Variants in HAUS2 observed in about 807,000 individuals in gnomAD.
HAUS2 encodes HAUS augmin like complex subunit 2.
Under a neutral mutation model 21.6 loss-of-function variants are expected in HAUS2, and 20 were observed. That is an observed-to-expected ratio of 0.93 (90% CI 0.65 to 1.35). The LOEUF (loss-of-function observed/expected upper bound fraction) is 1.35, where lower values mean the gene tolerates loss of function less well. Among genes scored for constraint, HAUS2 ranks in the 40% most tolerant of loss-of-function variants. The pLI, the probability that HAUS2 is intolerant of heterozygous loss-of-function variation, is 0.00. For missense variants in HAUS2, 297 were observed against 280.7 expected (o/e 1.06, Z -0.42); for synonymous variants, 113 against 95.6 (o/e 1.18, Z -1.06).
At chr15:42,554,980 A>G (rs1357755597) in intron 1 of HAUS2, among the ~76,000 whole-genome samples, 1 of 147,522 alleles carries the variant, frequency 6.8e-6, no homozygotes, top group Non-Finnish European at 1.5e-5. Context: ...GGCACATGTC[A>G]CCATGCCTGG....
chr15:42,552,524 A>G (rs893143958), intron 1 of HAUS2, among the ~76,000 whole-genome samples: 83 of 152,196 alleles, frequency 5.5e-4, no homozygotes, highest in African/African-American at 1.9e-3. Flanking sequence ...CTTCTAGAAA[A>G]CATAGCTTGT....
At chr15:42,562,775 A>T (rs1191458293) in intron 4 of HAUS2, among the ~76,000 whole-genome samples, 2 of 152,200 alleles carry the variant, frequency 1.3e-5, no homozygotes, top group African/African-American at 4.8e-5. Context: ...AAGTACATTT[A>T]TCCTTATTGT....
At chr15:42,558,024 G>C (rs547456400) in intron 1 of HAUS2, among the ~76,000 whole-genome samples, 174 bp from the exon 2 acceptor site, 1 of 151,978 alleles carries the variant, frequency 6.6e-6, no homozygotes, top group Non-Finnish European at 1.5e-5. Context: ...ATTTGTGATG[G>C]TGAAGGTTCT....
chr15:42,561,966 C>G (rs1311008533), intron 4 of HAUS2, among the ~76,000 whole-genome samples: 1 of 151,858 alleles, frequency 6.6e-6, no homozygotes, highest in African/African-American at 2.4e-5. Context: ...TAGATTATGA[C>G]TAATGATAAA....
At chr15:42,560,803 C>T (rs1209116542) in intron 3 of HAUS2, 1 of 701,902 alleles carries the variant, frequency 1.4e-6, no homozygotes, top group Non-Finnish European at 2.6e-6. Context: ...TGCTATGTTG[C>T]CCAGGCTGGT....
chr15:42,562,844 C>T (rs1028350454), intron 4 of HAUS2, among the ~76,000 whole-genome samples: 5 of 152,162 alleles, frequency 3.3e-5, no homozygotes, highest in Admixed American at 6.5e-5. Context: ...CGTCATGGCT[C>T]ACGCCTGTAA....
chr15:42,556,122 ATTTT>A (rs760982814), intron 1 of HAUS2, among the ~76,000 whole-genome samples: 2 of 133,552 alleles, frequency 1.5e-5, no homozygotes. Context: ...CGCCTGGCTA[ATTTT>A]TTTTTTTTTT....
chr15:42,564,268 T>TAAA (rs750975585), intron 5 of HAUS2, among the ~76,000 whole-genome samples: 1 of 130,490 alleles, frequency 7.7e-6, no homozygotes, highest in African/African-American at 2.8e-5. Context: ...CATCTCCCAT[T>TAAA]AAAAAAAAAA....
chr15:42,556,680 T>C (rs1167882632), intron 1 of HAUS2, among the ~76,000 whole-genome samples: 4 of 152,070 alleles, frequency 2.6e-5, no homozygotes, highest in Non-Finnish European at 5.9e-5. Flanking sequence ...TCATGGACTA[T>C]AGTTTTCCAG....
At chr15:42,557,650 A>G (rs892625329) in intron 1 of HAUS2, among the ~76,000 whole-genome samples, 1 of 151,500 alleles carries the variant, frequency 6.6e-6, no homozygotes. Flanking sequence ...GAATGAAAGG[A>G]TGAAAAAGAA....
chr15:42,563,879 TTCAG>T, intron 5 of HAUS2, 22 bp downstream of exon 5: 1 of 1,073,498 alleles, frequency 9.3e-7, no homozygotes. Context: ...TATAGCAATC[TTCAG>T]TTATTTTTTA....
At chr15:42,556,757 C>T (rs1451644205) in intron 1 of HAUS2, among the ~76,000 whole-genome samples, 1 of 151,430 alleles carries the variant, frequency 6.6e-6, no homozygotes, top group African/African-American at 2.4e-5. Flanking sequence ...GTAATCTGGG[C>T]ACTCTGGGAG....
rs1230139658 is a variant in HAUS2, at chr15:42,560,767, T to A, written c.257-503T>A. ...CCATGCCCAGCTAATTTTTGTTTTT[T>A]CAATTTTTTTGTAGAGATGAAGTCT... is the stretch of plus-strand genomic sequence containing the variant. On this transcript the variant is annotated intron_variant, in intron 3 of 5. Coordinates refer to ENST00000260372, the MANE Select transcript of HAUS2 (RefSeq NM_018097.3). 6 of 701,584 alleles carry A rather than the reference T, an allele frequency of 8.6e-6. No individual in the cohort carries two copies. The African/African-American group carries it at 1.0e-4, about 12-fold the overall frequency. 43.5% of individuals were successfully genotyped at this position (701,584 alleles called of 1,614,324 possible). A position where few individuals can be genotyped will look rare whatever the true frequency, so the allele number is the denominator to read the frequency against.
chr15:42,566,571 CAT>C (rs754020011), intron 5 of HAUS2, 34 bp from the exon 6 acceptor site: 3 of 1,087,634 alleles, frequency 2.8e-6, no homozygotes, highest in Admixed American at 1.7e-5. Flanking sequence ...TAATAAGAGA[CAT>C]AATTTCTCCT....
chr15:42,552,026 T>C (rs1460189566), intron 1 of HAUS2, among the ~76,000 whole-genome samples: 2 of 151,978 alleles, frequency 1.3e-5, no homozygotes, highest in Non-Finnish European at 2.9e-5. Context: ...TTTTGTTTTT[T>C]TTGTTTTTTT....
chr15:42,556,015 C>T (rs1225439280), intron 1 of HAUS2, among the ~76,000 whole-genome samples: 7 of 152,006 alleles, frequency 4.6e-5, no homozygotes, highest in Non-Finnish European at 7.4e-5. Flanking sequence ...GGCGCGATCT[C>T]GGCTCACTGC....
chr15:42,551,477 C>T (rs1225121655), intron 1 of HAUS2, among the ~76,000 whole-genome samples: 1 of 151,948 alleles, frequency 6.6e-6, no homozygotes, highest in East Asian at 2.0e-4. Flanking sequence ...CCAGTCTCTA[C>T]TACAAATACA....
intron 1 of HAUS2, among the ~76,000 whole-genome samples, chr15:42,549,765 C>CAAAAA (rs58614126): frequency 1.5e-4 from 9 of 58,104 alleles, no homozygotes; most frequent in Admixed American, 5.1e-4. Flanking sequence ...TCTTTAAAGG[C>CAAAAA]AAAAAAAAAA....
At position 42,559,337 on chromosome 15, in the gene HAUS2, A is replaced by G; in HGVS notation, c.187-2A>G. The stretch of plus-strand genomic sequence containing the variant: ...TAAATGTTACTTTTGTTCCTCATGT[A>G]GAAAAACCTGGAAATTGAACTCCTG... On this transcript the variant is annotated splice_acceptor_variant, in intron 2 of 5. Transcript: ENST00000260372. LOFTEE classifies it high-confidence loss of function. 1 of 1,576,732 alleles carries G rather than the reference A, an allele frequency of 6.3e-7. No individual in the cohort carries two copies. The highest frequency in any genetic ancestry group is 1.1e-5 in the South Asian group (1 of 90,266).
Sources: gnomAD v4.1 joint callset for allele counts (sites outside exome capture counted in the v4.1 genomes callset) on GRCh38, gnomAD v4.1.1 for gene constraint, MANE v1.5 for transcripts, NCBI Gene and HGNC (gene_info 2026-07-23, HGNC 2026-07-21) for gene names.